Variants in OR6C4 observed in about 807,000 individuals in gnomAD.
OR6C4 encodes olfactory receptor 6C4.
OR6C4 carries 20 observed loss-of-function variants against 15.1 expected under a neutral mutation model. The observed-to-expected ratio is 1.32, with a 90% confidence interval of 0.93 to 1.92. The LOEUF is 1.92. OR6C4 is among the 30% of genes most tolerant of loss of function. The probability of loss-of-function intolerance (pLI) is 0.00; values close to 1 mark genes in which losing one functional copy is unlikely to be tolerated. For synonymous variants in OR6C4, 179 were observed against 134.2 expected (o/e 1.33, Z -2.31); for missense variants, 491 against 363.2 (o/e 1.35, Z -2.86).
Position 55,552,751 on chromosome 12 carries a change from T to A in OR6C4, c.*595T>A, listed in dbSNP as rs150751354. The A allele has an allele frequency of 4.6e-5, 7 of 152,222 alleles. No homozygotes were observed. The highest frequency in any genetic ancestry group is 2.6e-4 in the Admixed American group (4 of 15,268). The allele number at this position is 152,222 out of a possible 1,614,324, so 9.4% of individuals were successfully genotyped here. ...CATAAGAGGAAAATGAAAGAATATA[T>A]ATTTAGTCTACTTTTCTCCAAATGA... On this transcript the variant is annotated 3_prime_UTR_variant, in exon 2 of 2. Coordinates refer to ENST00000641569, the MANE Select transcript of OR6C4 (RefSeq NM_001005494.2).
In OR6C4 at chr12:55,554,289, G is replaced by A. The variant is rs918793878; in HGVS notation, c.*2133G>A. On this transcript the variant is annotated 3_prime_UTR_variant, in exon 2 of 2. Coordinates refer to ENST00000641569, the MANE Select transcript of OR6C4 (RefSeq NM_001005494.2). ...AGGATGTATTAACATGCTGAGACAAGGAAGGAAGGTACTTTGTGTAAGTTA... is the reference window on the plus strand; with the variant it reads ...AGGATGTATTAACATGCTGAGACAAAGAAGGAAGGTACTTTGTGTAAGTTA... 1.3e-5 allele frequency: 2 copies of A among 152,224 alleles called. No homozygotes were observed. Among genetic ancestry groups the A allele is most frequent in the East Asian group, 3.9e-4 (2 of 5,180 alleles). 9.4% of individuals were successfully genotyped at this position (152,224 alleles called of 1,614,324 possible).
In OR6C4 at chr12:55,552,695, T is replaced by A. The variant is rs1416553898; in HGVS notation, c.*539T>A. On this transcript the variant is annotated 3_prime_UTR_variant, in exon 2 of 2. Coordinates refer to ENST00000641569, the MANE Select transcript of OR6C4 (RefSeq NM_001005494.2). ...TCTCCTCCATTTTTTCATCTATATTTCAAATGTAACCATTGCAACTTCCCT... is the reference window on the plus strand; with the variant it reads ...TCTCCTCCATTTTTTCATCTATATTACAAATGTAACCATTGCAACTTCCCT... 1 of 152,142 alleles carries A rather than the reference T, an allele frequency of 6.6e-6. No homozygotes were observed. Among genetic ancestry groups the A allele is most frequent in the Non-Finnish European group, 1.5e-5 (1 of 68,014 alleles). 9.4% of individuals were successfully genotyped at this position (152,142 alleles called of 1,614,324 possible). A position where few individuals can be genotyped will look rare whatever the true frequency, so the allele number is the denominator to read the frequency against.
rs980583332 is a variant in OR6C4, at chr12:55,549,662, C to A, written c.-475C>A. 1.3e-5 allele frequency: 2 copies of A among 152,152 alleles called. No homozygotes were observed. Among genetic ancestry groups the A allele is most frequent in the African/African-American group, 4.8e-5 (2 of 41,440 alleles). 9.4% of individuals were successfully genotyped at this position (152,152 alleles called of 1,614,324 possible). ...TAATCTCTCTTAGAACATAAATTTTCAGAAATTTTCTGTCTCTCAAAGTAT... is the reference window on the plus strand; with the variant it reads ...TAATCTCTCTTAGAACATAAATTTTAAGAAATTTTCTGTCTCTCAAAGTAT... On this transcript the variant is annotated 5_prime_UTR_variant, in exon 1 of 2. Coordinates refer to ENST00000641569, the MANE Select transcript of OR6C4 (RefSeq NM_001005494.2).
At chr12:55,550,804 A>T (rs1010694300) in intron 1 of OR6C4, among the ~76,000 whole-genome samples, 2 of 152,194 alleles carry the variant, frequency 1.3e-5, no homozygotes, top group African/African-American at 4.8e-5. Context: ...AGAAAGAAAC[A>T]GGAAAGCACA....
rs1298868447 is a variant in OR6C4, at chr12:55,554,644, A to C, written c.*2488A>C. 2 of 152,144 alleles carry C rather than the reference A, an allele frequency of 1.3e-5. No individual in the cohort carries two copies. The highest frequency in any genetic ancestry group is 4.8e-5 in the African/African-American group (2 of 41,438). The allele number at this position is 152,144 out of a possible 1,614,324, so 9.4% of individuals were successfully genotyped here. A position where few individuals can be genotyped will look rare whatever the true frequency, so the allele number is the denominator to read the frequency against. ...TAAAAGAAACAGCTTTAGCTGCCTA[A>C]CATTCTCAGAATCATATTATACCAG... On this transcript the variant is annotated 3_prime_UTR_variant, in exon 2 of 2. Transcript: ENST00000641569.
intron 1 of OR6C4, 93 bp downstream of exon 1, chr12:55,550,211 T>A (rs1225373522): frequency 1.3e-5 from 2 of 152,138 alleles, no homozygotes; most frequent in East Asian, 1.9e-4. Flanking sequence ...CAAGAATGAT[T>A]TTAATAACAT....
In OR6C4 at chr12:55,554,469, A is replaced by C. The variant is rs140671373; in HGVS notation, c.*2313A>C. 222 of 152,258 alleles carry C rather than the reference A, an allele frequency of 1.5e-3. 1 individual carries two copies. The highest frequency in any genetic ancestry group is 5.2e-3 in the African/African-American group (216 of 41,560). The allele number at this position is 152,258 out of a possible 1,614,324, so 9.4% of individuals were successfully genotyped here. ...AAAGCTGTTCATCTAGTCTGGCTGT[A>C]TGTTAATTCATACTTGGAATGTAAT... On this transcript the variant is annotated 3_prime_UTR_variant, in exon 2 of 2. Coordinates refer to ENST00000641569, the MANE Select transcript of OR6C4 (RefSeq NM_001005494.2).
In OR6C4 at chr12:55,549,808, T is replaced by C. The variant is rs1873808135; in HGVS notation, c.-329T>C. The C allele has an allele frequency of 6.6e-6, 1 of 152,190 alleles. No individual in the cohort carries two copies. Among genetic ancestry groups the C allele is most frequent in the South Asian group, 2.1e-4 (1 of 4,832 alleles). 9.4% of individuals were successfully genotyped at this position (152,190 alleles called of 1,614,324 possible). ...ATTGGATTCTTAGAATGGAAAATAA[T>C]ATGCTCTTTTTTCTGGTTAAGTTCC... On this transcript the variant is annotated 5_prime_UTR_variant, in exon 1 of 2. Coordinates refer to ENST00000641569, the MANE Select transcript of OR6C4 (RefSeq NM_001005494.2).
In OR6C4 at chr12:55,551,520, G is replaced by A; in HGVS notation, c.294G>A (p.Gln98=). 1 of 1,613,920 alleles carries A rather than the reference G, an allele frequency of 6.2e-7. No individual in the cohort carries two copies. Among genetic ancestry groups the A allele is most frequent in the Non-Finnish European group, 8.5e-7 (1 of 1,179,930 alleles). ...TCAGCTTTGCTGGCTGCTTGACTCA[G>A]TATTTTTTTGCTATATTTCTTGGAG... The part of the protein sequence containing the change: ...KVISFAGCLT[Q]YFFAIFLGAT... Residue 98 remains glutamine (Q), a synonymous_variant, in exon 2 of 2, where the codon CAG becomes CAA. Coordinates refer to ENST00000641569, the MANE Select transcript of OR6C4 (RefSeq NM_001005494.2).
At position 55,551,351 on chromosome 12, in the gene OR6C4, C is replaced by A; in HGVS notation, c.125C>A (p.Thr42Asn). ...ATGCTAAGTATCCTAGGAAATCTGA[C>A]TATTATCACCCTCACCTTACTAGAC... ...TYMLSILGNLTIITLTLLDPH... is the reference protein window; with the variant it reads ...TYMLSILGNLNIITLTLLDPH... Residue 42 changes from threonine (T) to asparagine (N), a missense_variant, in exon 2 of 2, where the codon ACT (threonine) becomes AAT (asparagine). Coordinates refer to ENST00000641569, the MANE Select transcript of OR6C4 (RefSeq NM_001005494.2). 6.2e-7 allele frequency: 1 copy of A among 1,613,602 alleles called. No homozygotes were observed. The highest frequency in any genetic ancestry group is 8.5e-7 in the Non-Finnish European group (1 of 1,179,652).
Position 55,553,140 on chromosome 12 carries a change from T to C in OR6C4, c.*984T>C, listed in dbSNP as rs1873922688. On this transcript the variant is annotated 3_prime_UTR_variant, in exon 2 of 2. Transcript: ENST00000641569. ...TATAAAGTAAAAAGAATATAAAGTG[T>C]CAATGCAATCTTATATCTAGAATGT... is the stretch of plus-strand genomic sequence containing the variant. 1 of 152,140 alleles carries C rather than the reference T, an allele frequency of 6.6e-6. No individual in the cohort carries two copies. Among genetic ancestry groups the C allele is most frequent in the Non-Finnish European group, 1.5e-5 (1 of 67,990 alleles). The allele number at this position is 152,140 out of a possible 1,614,324, so 9.4% of individuals were successfully genotyped here.
chr12:55,552,881 C>CA lies in OR6C4; in HGVS notation c.*729dup, dbSNP rs1873914617. The CA allele has an allele frequency of 6.6e-6, 1 of 152,062 alleles. No homozygotes were observed. Among genetic ancestry groups the CA allele is most frequent in the Non-Finnish European group, 1.5e-5 (1 of 67,968 alleles). 9.4% of individuals were successfully genotyped at this position (152,062 alleles called of 1,614,324 possible). A position where few individuals can be genotyped will look rare whatever the true frequency, so the allele number is the denominator to read the frequency against. On this transcript the variant is annotated 3_prime_UTR_variant, in exon 2 of 2. Transcript: ENST00000641569. ...TTTAGAAGGCTTTCATTCTCCTAGA[C>CA]AAAATCTATTGTTTCTTTTCTTAGG...
rs1293291771 is a variant in OR6C4, at chr12:55,553,946, G to A, written c.*1790G>A. 1 of 152,098 alleles carries A rather than the reference G, an allele frequency of 6.6e-6. No homozygotes were observed. Among genetic ancestry groups the A allele is most frequent in the Non-Finnish European group, 1.5e-5 (1 of 68,016 alleles). The allele number at this position is 152,098 out of a possible 1,614,324, so 9.4% of individuals were successfully genotyped here. On this transcript the variant is annotated 3_prime_UTR_variant, in exon 2 of 2. Transcript: ENST00000641569. ...TATTAAAAGACAGCCAGTATTTATT[G>A]TGTTTAATAAATGACATCTATTATA...
At position 55,551,379 on chromosome 12, in the gene OR6C4, C is replaced by G; in HGVS notation, c.153C>G (p.Pro51=). Residue 51 remains proline, a synonymous_variant, in exon 2 of 2, where the codon CCC becomes CCG. Coordinates refer to ENST00000641569, the MANE Select transcript of OR6C4 (RefSeq NM_001005494.2). The part of the protein sequence containing the change: ...LTIITLTLLD[P]HLQTPMYFFL... ...TTATCACCCTCACCTTACTAGACCC[C>G]CACCTCCAGACCCCCATGTATTTCT... 6.2e-7 allele frequency: 1 copy of G among 1,613,874 alleles called. No individual in the cohort carries two copies. The highest frequency in any genetic ancestry group is 8.5e-7 in the Non-Finnish European group (1 of 1,179,852).
rs1423278517 is a variant in OR6C4 at position 55,552,784 on chromosome 12, A to T, written c.*628A>T. On this transcript the variant is annotated 3_prime_UTR_variant, in exon 2 of 2. Transcript: ENST00000641569. Reference sequence around the variant, plus strand: ...CTACTTTTCTCCAAATGAGGAGAAAATTTTTAAGATTTTTGTCAACTTAAT... The same window carrying T: ...CTACTTTTCTCCAAATGAGGAGAAATTTTTTAAGATTTTTGTCAACTTAAT... 1 of 152,078 alleles carries T rather than the reference A, an allele frequency of 6.6e-6. No homozygotes were observed. The highest frequency in any genetic ancestry group is 1.5e-5 in the Non-Finnish European group (1 of 67,986). The allele number at this position is 152,078 out of a possible 1,614,324, so 9.4% of individuals were successfully genotyped here.
At position 55,552,624 on chromosome 12, in the gene OR6C4, G is replaced by A. The variant is rs1873907221; in HGVS notation, c.*468G>A. On this transcript the variant is annotated 3_prime_UTR_variant, in exon 2 of 2. Transcript: ENST00000641569. ...TAGTATCAGCATTGTTCTTCAGCAT[G>A]GAGCCCTGGAGACTATGTTTCCATC... 6.5e-6 allele frequency: 1 copy of A among 152,732 alleles called. No homozygotes were observed. Among genetic ancestry groups the A allele is most frequent in the African/African-American group, 2.4e-5 (1 of 41,424 alleles). 9.5% of individuals were successfully genotyped at this position (152,732 alleles called of 1,614,324 possible).
Position 55,551,301 on chromosome 12 carries a change from A to G in OR6C4, c.75A>G (p.Ile25Met). 6.2e-7 allele frequency: 1 copy of G among 1,613,556 alleles called. No individual in the cohort carries two copies. Among genetic ancestry groups the G allele is most frequent in the East Asian group, 2.2e-5 (1 of 44,878 alleles). ...LTNQPELQVMIFIFLFLTYML... is the reference protein window; with the variant it reads ...LTNQPELQVMMFIFLFLTYML... The stretch of plus-strand genomic sequence containing the variant: ...ATCAACCTGAACTCCAAGTGATGAT[A>G]TTCATCTTTCTGTTCCTCACCTACA... The change falls in exon 2 of 2, where the codon ATA (isoleucine) becomes ATG (methionine). Residue 25 changes from isoleucine to methionine, a missense_variant. Coordinates refer to ENST00000641569, the MANE Select transcript of OR6C4 (RefSeq NM_001005494.2).
rs1015435478 is a variant in OR6C4 at position 55,552,545 on chromosome 12, A to G, written c.*389A>G. On this transcript the variant is annotated 3_prime_UTR_variant, in exon 2 of 2. Transcript: ENST00000641569. ...TAAAAGTAAGTAATTACAACTACTG[A>G]GTTAGCTGGGTTTCATGAGTCAAGA... is the stretch of plus-strand genomic sequence containing the variant. 15 of 165,272 alleles carry G rather than the reference A, an allele frequency of 9.1e-5. No individual in the cohort carries two copies. Among genetic ancestry groups the G allele is most frequent in the African/African-American group, 3.6e-4 (15 of 41,512 alleles). 10.2% of individuals were successfully genotyped at this position (165,272 alleles called of 1,614,324 possible).
rs1205379118 is a variant in OR6C4 at position 55,552,029 on chromosome 12, T to G, written c.803T>G (p.Phe268Cys). 2 of 1,613,776 alleles carry G rather than the reference T, an allele frequency of 1.2e-6. No individual in the cohort carries two copies. Among genetic ancestry groups the G allele is most frequent in the Non-Finnish European group, 1.7e-6 (2 of 1,179,828 alleles). Residue 268 changes from phenylalanine (F) to cysteine (C), a missense_variant, in exon 2 of 2, where the codon TTC (phenylalanine) becomes TGC (cysteine). Phe to Cys is a radical substitution (Grantham distance 205). Coordinates refer to ENST00000641569, the MANE Select transcript of OR6C4 (RefSeq NM_001005494.2). ...CCTTCTGCAAAAGAAGGAGGTGCTT[T>G]CAACAAAGGAATAGCTGTACTCATT... ...INPSAKEGGAFNKGIAVLITS... is the reference protein window; with the variant it reads ...INPSAKEGGACNKGIAVLITS...
Sources: allele counts gnomAD v4.1 joint callset (sites outside exome capture counted in the v4.1 genomes callset), GRCh38; gene constraint gnomAD v4.1.1; transcripts MANE v1.5; gene names NCBI Gene and HGNC (gene_info 2026-07-23, HGNC 2026-07-21).